The following LRRC4C variants were observed in gnomAD, a reference collection of about 807,000 sequenced individuals.
LRRC4C encodes the protein leucine-rich repeat-containing protein 4C.
A neutral mutation model predicts 33.6 loss-of-function variants in LRRC4C; 5 were observed. The ratio of observed to expected loss-of-function variants is 0.15; its 90% CI spans 0.08 to 0.31. The LOEUF (loss-of-function observed/expected upper bound fraction) is 0.31, where lower values mean the gene tolerates loss of function less well. LRRC4C is among the 10% of genes least tolerant of loss of function. The pLI is 1.00. For missense variants in LRRC4C, 560 were observed against 796.7 expected (o/e 0.70, Z 3.58); for synonymous variants, 329 against 302.0 (o/e 1.09, Z -0.93).
intron 1 of LRRC4C, among the ~76,000 whole-genome samples, chr11:41,283,876 A>G (rs754720226): frequency 2.6e-5 from 4 of 152,214 alleles, no homozygotes; most frequent in South Asian, 4.1e-4. Context: ...CTGTGTTTCA[A>G]TTTCCTCAAT....
intron 1 of LRRC4C, among the ~76,000 whole-genome samples, chr11:41,298,826 ATTG>A (rs1950211481): frequency 6.6e-6 from 1 of 151,796 alleles, no homozygotes; most frequent in African/African-American, 2.4e-5. Flanking sequence ...TCCAGTGACT[ATTG>A]TTTTACACTC....
At chr11:40,582,500 T>C (rs567074826) in intron 3 of LRRC4C, among the ~76,000 whole-genome samples, 1 of 141,508 alleles carries the variant, frequency 7.1e-6, no homozygotes, top group Non-Finnish European at 1.6e-5. Flanking sequence ...TACTTATTTC[T>C]CTCCCTTGTT....
intron 1 of LRRC4C, among the ~76,000 whole-genome samples, chr11:41,286,467 A>C (rs1293404219): frequency 6.6e-6 from 1 of 152,180 alleles, no homozygotes; most frequent in Non-Finnish European, 1.5e-5. Context: ...ACCAAGGAGA[A>C]GGAATCCCCT....
intron 1 of LRRC4C, among the ~76,000 whole-genome samples, chr11:41,290,325 C>T (rs1949954950): frequency 6.6e-6 from 1 of 152,062 alleles, no homozygotes; most frequent in Non-Finnish European, 1.5e-5. Flanking sequence ...GTTTGTGGTG[C>T]AGGTATCATG....
intron 1 of LRRC4C, among the ~76,000 whole-genome samples, chr11:41,124,355 C>T (rs1942630966): frequency 6.6e-6 from 1 of 152,180 alleles, no homozygotes; most frequent in Admixed American, 6.5e-5. Context: ...TCTATCGTAT[C>T]CCAAGTACTT....
intron 2 of LRRC4C, among the ~76,000 whole-genome samples, chr11:40,836,782 G>A (rs1031437302): frequency 6.6e-6 from 1 of 152,118 alleles, no homozygotes; most frequent in Non-Finnish European, 1.5e-5. Flanking sequence ...CTCATAGGGT[G>A]ATTGTATTAA....
At chr11:40,296,527 T>C (rs192735316) in intron 4 of LRRC4C, among the ~76,000 whole-genome samples, 2 of 152,262 alleles carry the variant, frequency 1.3e-5, no homozygotes, top group African/African-American at 4.8e-5. Context: ...TTTGGTAACA[T>C]GGGGAACAGC....
intron 2 of LRRC4C, among the ~76,000 whole-genome samples, chr11:40,895,199 C>T (rs2136139629): frequency 6.6e-6 from 1 of 152,054 alleles, no homozygotes; most frequent in Non-Finnish European, 1.5e-5. Context: ...TAAAATTTAA[C>T]ATTTAAAATA....
At chr11:40,729,636 T>C (rs1247494611) in intron 2 of LRRC4C, among the ~76,000 whole-genome samples, 3 of 152,146 alleles carry the variant, frequency 2.0e-5, no homozygotes, top group Non-Finnish European at 4.4e-5. Context: ...CTTTCTTACA[T>C]GTTATAACTT....
At chr11:40,825,282 G>A (rs575985467) in intron 2 of LRRC4C, among the ~76,000 whole-genome samples, 3 of 151,826 alleles carry the variant, frequency 2.0e-5, no homozygotes, top group Non-Finnish European at 2.9e-5. Flanking sequence ...CCGTGTTGCC[G>A]AGATCTAAAT....
At chr11:40,265,977 C>A (rs1252173823) in intron 4 of LRRC4C, among the ~76,000 whole-genome samples, 1 of 152,160 alleles carries the variant, frequency 6.6e-6, no homozygotes, top group Non-Finnish European at 1.5e-5. Context: ...AAACGTGCAG[C>A]ACATTTTCCA....
At chr11:40,162,162 G>GAAA (rs201840630) in intron 5 of LRRC4C, among the ~76,000 whole-genome samples, 3 of 133,158 alleles carry the variant, frequency 2.3e-5, no homozygotes, top group African/African-American at 8.2e-5. Flanking sequence ...GGTTCCAGAA[G>GAAA]AAAAAAAAAA....
At chr11:40,601,135 C>T (rs1410352578) in intron 3 of LRRC4C, among the ~76,000 whole-genome samples, 1 of 152,174 alleles carries the variant, frequency 6.6e-6, no homozygotes, top group South Asian at 2.1e-4. Context: ...CTAGACTTTA[C>T]TTAAAGTACT....
intron 4 of LRRC4C, among the ~76,000 whole-genome samples, chr11:40,312,679 A>G (rs1365594608): frequency 6.6e-6 from 1 of 152,204 alleles, no homozygotes; most frequent in Non-Finnish European, 1.5e-5. Flanking sequence ...TTCCTGTTTT[A>G]GTCTTATTTG....
chr11:40,725,614 C>A lies in LRRC4C; in HGVS notation c.-406-77336G>T, dbSNP rs552855979. Among the ~76,000 whole-genome samples the A allele has an allele frequency of 5.9e-5, 9 of 152,068 alleles. No individual in the cohort carries two copies. In the East Asian group the frequency reaches 1.7e-3, roughly 29 times the overall value. On this transcript the variant is annotated intron_variant, in intron 2 of 6. Transcript: ENST00000528697. ...TCACTGAGATTTTCTTCATAATAATCTCATTATAATACTAAAAATCATACC... is the reference window on the plus strand; with the variant it reads ...TCACTGAGATTTTCTTCATAATAATATCATTATAATACTAAAAATCATACC...
intron 2 of LRRC4C, among the ~76,000 whole-genome samples, chr11:40,930,239 A>G (rs1425647307): frequency 6.6e-6 from 1 of 152,170 alleles, no homozygotes; most frequent in African/African-American, 2.4e-5. Context: ...TGAGGAATCC[A>G]GCCAGTCTGA....
At chr11:40,822,466 A>G (rs1951976418) in intron 2 of LRRC4C, among the ~76,000 whole-genome samples, 1 of 151,748 alleles carries the variant, frequency 6.6e-6, no homozygotes, top group Non-Finnish European at 1.5e-5. Flanking sequence ...ATGATGCTGC[A>G]ATAAACAGCA....
chr11:40,973,446 C>T (rs962083407), intron 1 of LRRC4C, among the ~76,000 whole-genome samples: 1 of 152,082 alleles, frequency 6.6e-6, no homozygotes, highest in East Asian at 1.9e-4. Flanking sequence ...GAGTTTTTCT[C>T]GAGGAATCCC....
intron 1 of LRRC4C, among the ~76,000 whole-genome samples, chr11:41,077,632 C>T (rs1388147655): frequency 6.6e-6 from 1 of 152,160 alleles, no homozygotes; most frequent in Non-Finnish European, 1.5e-5. Flanking sequence ...TTCCTTCTTA[C>T]ACCTGGGGGC....
Sources: gnomAD v4.1 joint callset for allele counts (sites outside exome capture counted in the v4.1 genomes callset) on GRCh38, gnomAD v4.1.1 for gene constraint, MANE v1.5 for transcripts, NCBI Gene and HGNC (gene_info 2026-07-23, HGNC 2026-07-21) for gene names.